The following FRMPD1 variants were observed in gnomAD, a reference collection of about 807,000 sequenced individuals.
The protein encoded by FRMPD1 is FERM and PDZ domain containing 1.
In FRMPD1, 76 loss-of-function variants were observed where a neutral mutation model predicts 117.8. That is an observed-to-expected ratio of 0.65 (90% CI 0.54 to 0.78). FRMPD1 has a LOEUF of 0.78. Ranked by LOEUF, FRMPD1 falls within the 30% of genes least tolerant of loss-of-function variation. The pLI is 0.00. For synonymous variants in FRMPD1, 783 were observed against 770.4 expected, an observed-to-expected ratio of 1.02 and a Z score of -0.27; for missense variants, 1,786 against 1,964.5, an observed-to-expected ratio of 0.91 and a Z score of 1.72.
intron 4 of FRMPD1, among the ~76,000 whole-genome samples, chr9:37,709,362 C>CTT (rs199672511): frequency 6.7e-6 from 1 of 148,956 alleles, no homozygotes; most frequent in African/African-American, 2.5e-5. Context: ...TTTTTTTTCC[C>CTT]TTTTTTTTTG....
chr9:37,637,964 C>CTT, the FRMPD1 span, among the ~76,000 whole-genome samples: 2 of 32,086 alleles, frequency 6.2e-5, no homozygotes, highest in Non-Finnish European at 1.5e-4. Flanking sequence ...ATGGTGTATG[C>CTT]TTTCTTTCTT....
At chr9:37,734,294 A>G (rs1336830531) in intron 12 of FRMPD1, among the ~76,000 whole-genome samples, 1 of 152,206 alleles carries the variant, frequency 6.6e-6, no homozygotes, top group African/African-American at 2.4e-5. Context: ...AGCTTTGGGT[A>G]TATGAAGGTG....
At chr9:37,637,986 T>G in the FRMPD1 span, among the ~76,000 whole-genome samples, 1 of 123,054 alleles carries the variant, frequency 8.1e-6, no homozygotes, top group South Asian at 2.8e-4. Flanking sequence ...CTTTCTTTCT[T>G]TCTTTCTTTC....
the FRMPD1 span, among the ~76,000 whole-genome samples, chr9:37,638,461 G>C: frequency 6.6e-6 from 1 of 152,144 alleles, no homozygotes; most frequent in African/African-American, 2.4e-5. Flanking sequence ...CCAGGGAGGT[G>C]GCTGCCCACC....
chr9:37,741,586 G>A (rs1267132688), intron 15 of FRMPD1, among the ~76,000 whole-genome samples: 7 of 151,978 alleles, frequency 4.6e-5, no homozygotes, highest in South Asian at 4.2e-4. Flanking sequence ...TTCCTGTCTC[G>A]GCACTTTCCT....
At chr9:37,650,447 G>A (rs1820631475), upstream of FRMPD1, among the ~76,000 whole-genome samples, 1 of 152,154 alleles carries the variant, frequency 6.6e-6, no homozygotes. Context: ...CAGGGGAGGT[G>A]GTCCACAGTG....
chr9:37,690,848 T>C (rs1182670218), intron 1 of FRMPD1, among the ~76,000 whole-genome samples: 1 of 152,036 alleles, frequency 6.6e-6, no homozygotes, highest in African/African-American at 2.4e-5. Context: ...TGCTGTATCA[T>C]CCCATGGAAG....
chr9:37,741,875 C>T (rs1380595343), intron 15 of FRMPD1, among the ~76,000 whole-genome samples: 1 of 152,202 alleles, frequency 6.6e-6, no homozygotes, highest in Admixed American at 6.5e-5. Context: ...ATCCGTCTAT[C>T]AGATTCCGGT....
At chr9:37,635,411 A>G in the FRMPD1 span, among the ~76,000 whole-genome samples, 2 of 152,080 alleles carry the variant, frequency 1.3e-5, no homozygotes, top group South Asian at 4.2e-4. Flanking sequence ...CTTTTTTTGA[A>G]CTGGTTTGAT....
At chr9:37,651,560 C>T (rs1183935011) in intron 1 of FRMPD1, among the ~76,000 whole-genome samples, 1 of 152,248 alleles carries the variant, frequency 6.6e-6, no homozygotes, top group East Asian at 1.9e-4. Flanking sequence ...CTGAGTGTCT[C>T]AGCTCCAGAA....
At chr9:37,717,379 ATATTTT>A (rs1462710202) in intron 5 of FRMPD1, among the ~76,000 whole-genome samples, 2 of 113,896 alleles carry the variant, frequency 1.8e-5, no homozygotes, top group African/African-American at 7.0e-5. Flanking sequence ...GTATATATAT[ATATTTT>A]TTTTTTTTTT....
In FRMPD1 at chr9:37,721,542, G is replaced by A. The variant is rs147664476; in HGVS notation, c.516+2366G>A. On this transcript the variant is annotated intron_variant, in intron 6 of 15. Coordinates refer to ENST00000377765, the MANE Select transcript of FRMPD1 (RefSeq NM_014907.3). ...CCCTGATGCTGAGAAAGTAATTATA[G>A]TCATGCACTACTGATGGCTTTATAA... Among the ~76,000 whole-genome samples, 596 of 152,270 alleles carry A rather than the reference G, an allele frequency of 3.9e-3. 5 individuals are homozygous for A. The highest frequency in any genetic ancestry group is 0.014 in the African/African-American group (584 of 41,552).
chr9:37,632,314 C>T, the FRMPD1 span, among the ~76,000 whole-genome samples: 4 of 152,086 alleles, frequency 2.6e-5, no homozygotes, highest in African/African-American at 9.7e-5. Flanking sequence ...AATCACTGGG[C>T]CTATTCGTGG....
chr9:37,706,117 T>C (rs1822697015), intron 2 of FRMPD1, among the ~76,000 whole-genome samples: 1 of 152,176 alleles, frequency 6.6e-6, no homozygotes, highest in African/African-American at 2.4e-5. Context: ...ATTACCTGCA[T>C]GCTGGCCTAG....
chr9:37,620,234 A>G, the FRMPD1 span, among the ~76,000 whole-genome samples: 1 of 152,236 alleles, frequency 6.6e-6, no homozygotes, highest in Admixed American at 6.5e-5. Context: ...ACTCGTGTTT[A>G]TCTGCCTCCA....
chr9:37,705,743 T>C (rs1822679503), intron 2 of FRMPD1, among the ~76,000 whole-genome samples: 1 of 152,032 alleles, frequency 6.6e-6, no homozygotes, highest in African/African-American at 2.4e-5. Flanking sequence ...TTTGGGTGGC[T>C]GAGAGGCAGA....
chr9:37,654,487 T>A (rs1223369069), intron 1 of FRMPD1, among the ~76,000 whole-genome samples: 1 of 152,230 alleles, frequency 6.6e-6, no homozygotes, highest in Non-Finnish European at 1.5e-5. Flanking sequence ...CTAAATATAT[T>A]CCACTATCAG....
chr9:37,685,102 A>G (rs1042854746), intron 1 of FRMPD1, among the ~76,000 whole-genome samples: 3 of 152,188 alleles, frequency 2.0e-5, no homozygotes, highest in Non-Finnish European at 4.4e-5. Flanking sequence ...TAAAACTTTT[A>G]CATCTCCCAG....
intron 6 of FRMPD1, among the ~76,000 whole-genome samples, chr9:37,723,088 A>G (rs1385939807): frequency 3.9e-5 from 6 of 152,166 alleles, no homozygotes. Context: ...AATGTAGTGG[A>G]GAGCATCCCT....
Sources: gnomAD v4.1 joint callset for allele counts (sites outside exome capture counted in the v4.1 genomes callset) on GRCh38, gnomAD v4.1.1 for gene constraint, MANE v1.5 for transcripts, NCBI Gene and HGNC (gene_info 2026-07-23, HGNC 2026-07-21) for gene names.